Variants in CD226 observed in about 807,000 individuals in gnomAD.
CD226 encodes CD226 antigen.
In CD226, 24 loss-of-function variants were observed where a neutral mutation model predicts 34.9. The ratio of observed to expected loss-of-function variants is 0.69; its 90% CI spans 0.50 to 0.97. The LOEUF is 0.97. CD226 is among the 50% of genes least tolerant of loss of function. The probability of loss-of-function intolerance (pLI) is 0.00; values close to 1 mark genes in which losing one functional copy is unlikely to be tolerated. For missense variants in CD226, 397 were observed against 412.7 expected, an observed-to-expected ratio of 0.96 and a Z score of 0.33; for synonymous variants, 148 against 147.4, an observed-to-expected ratio of 1.00 and a Z score of -0.03.
upstream of CD226, among the ~76,000 whole-genome samples, chr18:69,952,747 G>C (rs2055864906): frequency 6.6e-6 from 1 of 152,086 alleles, no homozygotes; most frequent in Non-Finnish European, 1.5e-5. Context: ...AAAATAAATT[G>C]GACTTACTAA....
intron 3 of CD226, among the ~76,000 whole-genome samples, chr18:69,894,702 T>G (rs1985163402): frequency 6.7e-6 from 1 of 149,122 alleles, no homozygotes; most frequent in African/African-American, 2.5e-5. Flanking sequence ...ATAAATTATT[T>G]TCTCTTCCGT....
At chr18:69,892,617 A>T (rs1481267008) in intron 3 of CD226, among the ~76,000 whole-genome samples, 2 of 152,198 alleles carry the variant, frequency 1.3e-5, no homozygotes, top group Non-Finnish European at 2.9e-5. Context: ...TGCTTCTGCC[A>T]TTTTCTCCTC....
At chr18:69,880,523 T>C (rs1984185095) in intron 3 of CD226, among the ~76,000 whole-genome samples, 1 of 151,874 alleles carries the variant, frequency 6.6e-6, no homozygotes, top group Admixed American at 6.6e-5. Flanking sequence ...AAAAAATTAA[T>C]GTCTTAGAAG....
At position 69,854,435 on chromosome 18, in the gene CD226, T is replaced by G. The variant is rs1982556606; in HGVS notation, c.*9879A>C. On this transcript the variant is annotated 3_prime_UTR_variant, in exon 6 of 6. Coordinates refer to ENST00000582621, the MANE Select transcript of CD226 (RefSeq NM_001303618.2). ...AGGCACTCCACACATTCAAGGGCTT[T>G]TCCAGTAGGAAACTCCAAGGTTCTC... 1 of 152,214 alleles carries G rather than the reference T, an allele frequency of 6.6e-6. No homozygotes were observed. Among genetic ancestry groups the G allele is most frequent in the Admixed American group, 6.5e-5 (1 of 15,276 alleles). The allele number at this position is 152,214 out of a possible 1,614,324, so 9.4% of individuals were successfully genotyped here.
In CD226 at chr18:69,860,738, T is replaced by C. The variant is rs912871359; in HGVS notation, c.*3576A>G. ...AAGGTGGAGATCAGTACTTTCTAGATGTTACATTTTAATAGTAGCTAAACT... is the reference window on the plus strand; with the variant it reads ...AAGGTGGAGATCAGTACTTTCTAGACGTTACATTTTAATAGTAGCTAAACT... On this transcript the variant is annotated 3_prime_UTR_variant, in exon 6 of 6. Transcript: ENST00000582621. 10 of 152,154 alleles carry C rather than the reference T, an allele frequency of 6.6e-5. No homozygotes were observed. The highest frequency in any genetic ancestry group is 5.9e-4 in the Admixed American group (9 of 15,274). The allele number at this position is 152,154 out of a possible 1,614,324, so 9.4% of individuals were successfully genotyped here.
intron 2 of CD226, among the ~76,000 whole-genome samples, chr18:69,907,865 C>T (rs1405504493): frequency 2.0e-5 from 3 of 151,962 alleles, no homozygotes; most frequent in African/African-American, 7.3e-5. Context: ...ATTCTCACCA[C>T]AAAAAAAGTT....
At chr18:69,902,632 T>C (rs1031632392) in intron 2 of CD226, among the ~76,000 whole-genome samples, 5 of 151,602 alleles carry the variant, frequency 3.3e-5, no homozygotes, top group Admixed American at 3.3e-4. Flanking sequence ...CATCGCTGAG[T>C]GAGCCTATCT....
upstream of CD226, among the ~76,000 whole-genome samples, chr18:69,958,831 C>A (rs1703007562): frequency 5.1e-5 from 7 of 136,104 alleles, 1 homozygote; most frequent in South Asian, 1.3e-3. Flanking sequence ...ACACACACAT[C>A]CTTCTCCTTA....
intron 2 of CD226, among the ~76,000 whole-genome samples, chr18:69,902,354 G>A (rs1443288555): frequency 6.6e-6 from 1 of 151,962 alleles, no homozygotes; most frequent in African/African-American, 2.4e-5. Flanking sequence ...CCTTTCCCAT[G>A]TGTGCTTCGA....
At position 69,859,280 on chromosome 18, in the gene CD226, G is replaced by C. The variant is rs766105947; in HGVS notation, c.*5034C>G. On this transcript the variant is annotated 3_prime_UTR_variant, in exon 6 of 6. Coordinates refer to ENST00000582621, the MANE Select transcript of CD226 (RefSeq NM_001303618.2). ...GGAAGTTGACGTTGGTAGAATTCCT[G>C]CTGCATCACAGGGGAGTTTCAGGTC... 1 of 152,008 alleles carries C rather than the reference G, an allele frequency of 6.6e-6. No homozygotes were observed. The highest frequency in any genetic ancestry group is 2.4e-5 in the African/African-American group (1 of 41,366). 9.4% of individuals were successfully genotyped at this position (152,008 alleles called of 1,614,324 possible). A position where few individuals can be genotyped will look rare whatever the true frequency, so the allele number is the denominator to read the frequency against.
chr18:69,873,243 T>C lies in CD226; in HGVS notation c.731A>G (p.Lys244Arg), dbSNP rs1450707625. The C allele has an allele frequency of 3.8e-6, 6 of 1,564,624 alleles. No homozygotes were observed. Among genetic ancestry groups the C allele is most frequent in the Non-Finnish European group, 4.4e-6 (5 of 1,136,068 alleles). Residue 244 changes from lysine to arginine, a missense_variant, in exon 4 of 6, where the codon AAA becomes AGA. Physicochemically the swap from Lys to Arg is conservative, Grantham distance 26. Coordinates refer to ENST00000582621, the MANE Select transcript of CD226 (RefSeq NM_001303618.2). ...AAAGAGGGTATATTGGTTATCGGTT[T>C]TACCTAGGAGAGAAAAAAAATATTG... ...FVMRLTVAEG[K>R]TDNQYTLFVA...
At chr18:69,943,788 C>T (rs1330323552) in intron 2 of CD226, among the ~76,000 whole-genome samples, 2 of 152,170 alleles carry the variant, frequency 1.3e-5, no homozygotes, top group Non-Finnish European at 2.9e-5. Flanking sequence ...TACAAACGTT[C>T]AAGTGCACAC....
chr18:69,948,457 T>C (rs1189844073), upstream of CD226, among the ~76,000 whole-genome samples: 1 of 152,200 alleles, frequency 6.6e-6, no homozygotes, highest in Non-Finnish European at 1.5e-5. Context: ...AAGACAATTT[T>C]ATCTAATGCC....
At chr18:69,922,434 A>C (rs1010307469) in intron 2 of CD226, among the ~76,000 whole-genome samples, 1 of 152,060 alleles carries the variant, frequency 6.6e-6, no homozygotes, top group Non-Finnish European at 1.5e-5. Context: ...GATGCATACC[A>C]CCACAACTGG....
chr18:69,925,570 C>T (rs537229279), intron 2 of CD226, among the ~76,000 whole-genome samples: 25 of 152,218 alleles, frequency 1.6e-4, no homozygotes, highest in Non-Finnish European at 3.1e-4. Context: ...TCTTCCCTTT[C>T]TCACTCATCC....
At chr18:69,903,056 C>T (rs2055207677) in intron 2 of CD226, among the ~76,000 whole-genome samples, 1 of 152,120 alleles carries the variant, frequency 6.6e-6, no homozygotes, top group African/African-American at 2.4e-5. Flanking sequence ...AAGGCAAGTT[C>T]CCAGTTACAA....
intron 2 of CD226, among the ~76,000 whole-genome samples, chr18:69,939,240 C>T (rs1467707906): frequency 2.0e-5 from 3 of 152,250 alleles, no homozygotes; most frequent in Non-Finnish European, 2.9e-5. Context: ...CTATCCCCCA[C>T]CTACCATGTT....
At chr18:69,879,202 G>C (rs1984063160) in intron 3 of CD226, among the ~76,000 whole-genome samples, 1 of 152,196 alleles carries the variant, frequency 6.6e-6, no homozygotes, top group Admixed American at 6.5e-5. Context: ...CACTGTCACT[G>C]ATAAACATCT....
chr18:69,864,292 T>C lies in CD226; in HGVS notation c.*22A>G, dbSNP rs138476878. 9.9e-6 allele frequency: 16 copies of C among 1,612,876 alleles called. No homozygotes were observed. In the African/African-American group the frequency reaches 1.7e-4, roughly 17 times the overall value. ...ATGAGTACATAAGAGTCATTACTAA[T>C]GCACTCATGTCAAGAATAAGCTTAA... On this transcript the variant is annotated 3_prime_UTR_variant, in exon 6 of 6. Transcript: ENST00000582621.
Sources: allele counts gnomAD v4.1 joint callset (sites outside exome capture counted in the v4.1 genomes callset), GRCh38; gene constraint gnomAD v4.1.1; transcripts MANE v1.5; gene names NCBI Gene and HGNC (gene_info 2026-07-23, HGNC 2026-07-21).